Variants in WDFY3 observed in about 807,000 individuals in gnomAD.
WDFY3 encodes WD repeat and FYVE domain containing 3.
WDFY3 carries 66 observed loss-of-function variants against 409.6 expected under a neutral mutation model. The observed-to-expected ratio is 0.16, with a 90% CI of 0.13 to 0.20. The LOEUF is 0.20. Ranked by LOEUF, WDFY3 falls within the 10% of genes least tolerant of loss-of-function variation. The pLI, the probability that WDFY3 is intolerant of heterozygous loss-of-function variation, is 1.00. For missense variants in WDFY3, 3,031 were observed against 4,298.1 expected (o/e 0.71, Z 8.24); for synonymous variants, 1,521 against 1,537.1 (o/e 0.99, Z 0.25).
At chr4:84,958,311 T>C (rs1224034663) in intron 1 of WDFY3, among the ~76,000 whole-genome samples, 3 of 152,306 alleles carry the variant, frequency 2.0e-5, no homozygotes, top group South Asian at 4.1e-4. Flanking sequence ...GAACTAGCAG[T>C]TGCTAAGCAA....
intron 53 of WDFY3, among the ~76,000 whole-genome samples, chr4:84,708,054 T>C (rs1361439327): frequency 3.9e-5 from 6 of 152,240 alleles, no homozygotes; most frequent in Admixed American, 2.0e-4. Flanking sequence ...TACCTAGGGC[T>C]AAGTGTCTTT....
intron 36 of WDFY3, 166 bp downstream of exon 36, chr4:84,751,317 G>T: frequency 1.5e-6 from 1 of 684,664 alleles, no homozygotes; most frequent in Non-Finnish European, 2.5e-6. Flanking sequence ...AACTGATAGG[G>T]TTTAAAGCAC....
In WDFY3 at chr4:84,679,004, G is replaced by A. The variant is rs1238894901; in HGVS notation, c.10062C>T (p.Gly3354=). ...DGFIFVNYSE[G]QTRAHLQGPL... is the part of the protein sequence containing the mutation. ...GGCCCTGCAGATGGGCTCTGGTCTG[G>A]CCCTCTGAATAGTTCACAAATATGA... The change falls in exon 65 of 68, where the codon GGC becomes GGT. Residue 3354 remains glycine (G), a synonymous_variant. Coordinates refer to ENST00000295888, the MANE Select transcript of WDFY3 (RefSeq NM_014991.6). 16 of 1,614,104 alleles carry A rather than the reference G, an allele frequency of 9.9e-6. No homozygotes were observed. The highest frequency in any genetic ancestry group is 1.4e-5 in the Non-Finnish European group (16 of 1,180,044).
At chr4:84,814,157 T>C (rs1453608987) in intron 13 of WDFY3, among the ~76,000 whole-genome samples, 1 of 152,208 alleles carries the variant, frequency 6.6e-6, no homozygotes, top group Non-Finnish European at 1.5e-5. Context: ...TATTTTCAGT[T>C]GAAGGCAATT....
At chr4:84,820,910 TAACA>T (rs1753959811) in intron 11 of WDFY3, among the ~76,000 whole-genome samples, 170 bp downstream of exon 11, 1 of 152,088 alleles carries the variant, frequency 6.6e-6, no homozygotes, top group Non-Finnish European at 1.5e-5. Flanking sequence ...CTCAATTACC[TAACA>T]GAGGTTGAAT....
chr4:84,963,963 T>C (rs1226690600), intron 1 of WDFY3, among the ~76,000 whole-genome samples: 1 of 152,230 alleles, frequency 6.6e-6, no homozygotes, highest in African/African-American at 2.4e-5. Context: ...AGGACATAAA[T>C]CATCAAATGT....
At chr4:84,891,750 C>CAA (rs1764985529) in intron 3 of WDFY3, among the ~76,000 whole-genome samples, 1 of 152,102 alleles carries the variant, frequency 6.6e-6, no homozygotes, top group Non-Finnish European at 1.5e-5. Context: ...CAGGAGAACT[C>CAA]AAAGGACATT....
Position 84,820,110 on chromosome 4 carries a change from A to C in WDFY3, c.1668T>G (p.Leu556=), listed in dbSNP as rs957093565. 1.9e-6 allele frequency: 3 copies of C among 1,603,170 alleles called. No homozygotes were observed. The African/African-American group carries it at 4.0e-5, about 21-fold the overall frequency. ...ALLVMETLTV[L]LQGSNTNAGI... ...CTGCATTTGTGTTTGATCCTTGAAGAAGCACTGTCAAGGTCTCCATAACCA... is the reference window on the plus strand; with the variant it reads ...CTGCATTTGTGTTTGATCCTTGAAGCAGCACTGTCAAGGTCTCCATAACCA... The change falls in exon 12 of 68, where the codon CTT becomes CTG. Residue 556 remains leucine, a synonymous_variant. Coordinates refer to ENST00000295888, the MANE Select transcript of WDFY3 (RefSeq NM_014991.6).
intron 15 of WDFY3, among the ~76,000 whole-genome samples, 156 bp downstream of exon 15, chr4:84,808,178 A>G (rs929073860): frequency 8.6e-5 from 13 of 151,988 alleles, no homozygotes; most frequent in African/African-American, 1.9e-4. Context: ...TTTAAAATCT[A>G]AAAACACCCC....
chr4:84,904,567 G>A (rs150188357), intron 2 of WDFY3, among the ~76,000 whole-genome samples: 53 of 152,228 alleles, frequency 3.5e-4, no homozygotes, highest in African/African-American at 1.1e-3. Context: ...AAGAAAGCAC[G>A]TTTTAATATA....
At chr4:84,921,052 T>A (rs1769204408) in intron 2 of WDFY3, among the ~76,000 whole-genome samples, 1 of 152,146 alleles carries the variant, frequency 6.6e-6, no homozygotes, top group African/African-American at 2.4e-5. Flanking sequence ...AGGAAAGAAC[T>A]TAATGGATTA....
At chr4:84,814,309 T>C (rs1328945699) in intron 13 of WDFY3, among the ~76,000 whole-genome samples, 6 of 152,172 alleles carry the variant, frequency 3.9e-5, no homozygotes, top group African/African-American at 1.4e-4. Context: ...TTCCCACAAG[T>C]TGATATCCCT....
chr4:84,910,834 T>C (rs1249529700), intron 2 of WDFY3, among the ~76,000 whole-genome samples: 2 of 151,944 alleles, frequency 1.3e-5, no homozygotes, highest in Admixed American at 6.6e-5. Context: ...GCCTCCCAAG[T>C]AGCTGGGATT....
At chr4:84,803,221 T>C in intron 16 of WDFY3, 69 bp downstream of exon 16, 1 of 1,463,384 alleles carries the variant, frequency 6.8e-7, no homozygotes, top group Non-Finnish European at 9.1e-7. Flanking sequence ...CCCTAGCTCA[T>C]ATAATCATAC....
chr4:84,828,831 C>T (rs145273244), intron 9 of WDFY3, among the ~76,000 whole-genome samples, 173 bp downstream of exon 9: 138 of 152,166 alleles, frequency 9.1e-4, no homozygotes, highest in African/African-American at 3.2e-3. Flanking sequence ...CCCAGGAATA[C>T]GAAGCTACAG....
chr4:84,685,316 C>A (rs1029366800), intron 62 of WDFY3, among the ~76,000 whole-genome samples: 2 of 152,212 alleles, frequency 1.3e-5, no homozygotes, highest in African/African-American at 4.8e-5. Flanking sequence ...CATCCACAGT[C>A]TGTGCTGCAC....
chr4:84,958,596 G>A (rs1489901834), intron 1 of WDFY3, among the ~76,000 whole-genome samples: 1 of 152,108 alleles, frequency 6.6e-6, no homozygotes, highest in East Asian at 1.9e-4. Flanking sequence ...AGAGGCAGGA[G>A]AGCTTGGCAT....
intron 10 of WDFY3, among the ~76,000 whole-genome samples, chr4:84,824,460 TC>T (rs1754559566): frequency 6.6e-6 from 1 of 152,058 alleles, no homozygotes; most frequent in Non-Finnish European, 1.5e-5. Context: ...GGAACACATT[TC>T]CCCCAGTTAA....
chr4:84,677,512 G>GGA, intron 66 of WDFY3, 116 bp from the exon 67 acceptor site: 2 of 933,412 alleles, frequency 2.1e-6, no homozygotes, highest in Non-Finnish European at 3.1e-6. Flanking sequence ...TAAGGGTCCT[G>GGA]GAGAGACCCC....
Sources: allele counts gnomAD v4.1 joint callset (sites outside exome capture counted in the v4.1 genomes callset), GRCh38; gene constraint gnomAD v4.1.1; transcripts MANE v1.5; gene names NCBI Gene and HGNC (gene_info 2026-07-23, HGNC 2026-07-21).